The following NRG1 variants were observed in gnomAD, a reference collection of about 807,000 sequenced individuals.
NRG1 encodes neuregulin 1.
A neutral mutation model predicts 63.8 loss-of-function variants in NRG1; 18 were observed. The ratio of observed to expected loss-of-function variants is 0.28; its 90% confidence interval spans 0.19 to 0.42. The LOEUF (loss-of-function observed/expected upper bound fraction) is 0.42, where lower values mean the gene tolerates loss of function less well. Among genes scored for constraint, NRG1 ranks in the 10% least tolerant of loss-of-function variants. The pLI, the probability that NRG1 is intolerant of heterozygous loss-of-function variation, is 1.00. For synonymous variants in NRG1, 302 were observed against 301.3 expected (o/e 1.00, Z -0.02); for missense variants, 762 against 814.7 (o/e 0.94, Z 0.79).
In NRG1 at chr8:32,173,621, G is replaced by A. The variant is rs372703058; in HGVS notation, c.38-422207G>A. Among the ~76,000 whole-genome samples, 541 of 152,162 alleles carry A rather than the reference G, an allele frequency of 3.6e-3. 1 individual carries two copies. The highest frequency in any genetic ancestry group is 0.024 in the South Asian group (116 of 4,804). ...ATCTCACGTGCAGAGACACACATAG[G>A]CTCAAAATAAAGGGATGGAGGAAGA... On this transcript the variant is annotated intron_variant, in intron 1 of 10. Coordinates refer to the NRG1 transcript ENST00000519301.
At position 32,391,035 on chromosome 8, in the gene NRG1, C is replaced by T. The variant is rs140005588; in HGVS notation, c.38-204793C>T. On this transcript the variant is annotated intron_variant, in intron 1 of 10. Coordinates refer to the NRG1 transcript ENST00000519301. Reference sequence around the variant, plus strand: ...AATATTTTAGATTTCTTACACACAACTTATTTTATTTTCATCCACTGAAGC... The same window carrying T: ...AATATTTTAGATTTCTTACACACAATTTATTTTATTTTCATCCACTGAAGC... 9.7e-3 allele frequency among the ~76,000 whole-genome samples: 1,484 copies of T among 152,234 alleles called. 16 individuals are homozygous for T. The highest frequency in any genetic ancestry group is 0.015 in the Non-Finnish European group (1,028 of 68,022).
chr8:31,673,200 T>G (rs1231067192), intron 1 of NRG1, among the ~76,000 whole-genome samples: 2 of 152,128 alleles, frequency 1.3e-5, no homozygotes, highest in East Asian at 3.9e-4. Context: ...AGGTTCTGAT[T>G]TAGTAGATTT....
At chr8:31,793,738 G>A (rs576237334) in intron 1 of NRG1, among the ~76,000 whole-genome samples, 23 of 152,252 alleles carry the variant, frequency 1.5e-4, no homozygotes, top group African/African-American at 5.5e-4. Flanking sequence ...TAATCCATGG[G>A]AAGACAAGAA....
intron 1 of NRG1, among the ~76,000 whole-genome samples, chr8:32,237,206 C>T (rs1847654761): frequency 6.6e-6 from 1 of 152,108 alleles, no homozygotes; most frequent in Admixed American, 6.6e-5. Context: ...AATATTAACT[C>T]AGTGTAAAGC....
At position 32,741,337 on chromosome 8, in the gene NRG1, A is replaced by T. The variant is rs1015828022; in HGVS notation, c.633-1338A>T. 4.6e-5 allele frequency among the ~76,000 whole-genome samples: 7 copies of T among 151,838 alleles called. 1 individual carries two copies. The highest frequency in any genetic ancestry group is 4.6e-4 in the Admixed American group (7 of 15,270). On this transcript the variant is annotated intron_variant, in intron 6 of 11. Transcript: ENST00000356819. ...ATTCTGCATAAGAATAACTGATCTA[A>T]ATTTTAAAATGTATTTGTCTTTGAT...
intron 3 of NRG1, among the ~76,000 whole-genome samples, chr8:32,614,194 C>G (rs997852041): frequency 1.3e-5 from 2 of 152,050 alleles, no homozygotes; most frequent in Non-Finnish European, 2.9e-5. Flanking sequence ...CTTAGTTCCC[C>G]TATTTCGACT....
intron 1 of NRG1, among the ~76,000 whole-genome samples, chr8:32,555,421 T>G (rs1201452602): frequency 6.6e-6 from 1 of 152,170 alleles, no homozygotes; most frequent in Admixed American, 6.5e-5. Context: ...TGAGTGCACA[T>G]TTTTGAACAC....
At chr8:31,881,739 T>A (rs1563521764) in intron 1 of NRG1, among the ~76,000 whole-genome samples, 1 of 152,200 alleles carries the variant, frequency 6.6e-6, no homozygotes. Flanking sequence ...ATTGCTGATA[T>A]GGAGAAAGTT....
At chr8:32,364,942 G>A (rs968289909) in intron 1 of NRG1, among the ~76,000 whole-genome samples, 1 of 132,330 alleles carries the variant, frequency 7.6e-6, no homozygotes, top group Non-Finnish European at 1.6e-5. Context: ...TGAATAAAAT[G>A]TACTCCCTTT....
chr8:31,922,468 C>T (rs560337590), intron 1 of NRG1, among the ~76,000 whole-genome samples: 3 of 152,212 alleles, frequency 2.0e-5, no homozygotes, highest in Non-Finnish European at 2.9e-5. Context: ...CTTTTATCTA[C>T]CTTTATCTCG....
intron 5 of NRG1, among the ~76,000 whole-genome samples, chr8:32,689,321 A>T (rs1810992480): frequency 6.6e-6 from 1 of 152,042 alleles, no homozygotes; most frequent in Non-Finnish European, 1.5e-5. Context: ...GGAAGAGTTC[A>T]TGGACTCTTG....
At chr8:32,040,487 T>G (rs904544487) in intron 1 of NRG1, among the ~76,000 whole-genome samples, 3 of 151,944 alleles carry the variant, frequency 2.0e-5, no homozygotes, top group African/African-American at 7.3e-5. Flanking sequence ...GCTGTTTTTC[T>G]TGCTGTTAGT....
intron 7 of NRG1, among the ~76,000 whole-genome samples, chr8:32,747,225 C>G (rs1056997833): frequency 6.6e-6 from 1 of 152,064 alleles, no homozygotes; most frequent in African/African-American, 2.4e-5. Context: ...GAGCAGTGTT[C>G]ATGTAGGCAT....
chr8:31,854,931 A>T (rs1223088263), intron 1 of NRG1, among the ~76,000 whole-genome samples: 1 of 152,064 alleles, frequency 6.6e-6, no homozygotes, highest in Non-Finnish European at 1.5e-5. Context: ...TTTGAGTGAG[A>T]TTCTTAATCC....
chr8:31,770,515 G>A (rs760085156), intron 1 of NRG1, among the ~76,000 whole-genome samples: 6 of 151,254 alleles, frequency 4.0e-5, no homozygotes, highest in Non-Finnish European at 2.9e-5. Context: ...ACTATCGCAA[G>A]GACAAAAAAC....
Position 32,410,878 on chromosome 8 carries a change from ATTTTT to A in NRG1, c.38-184938_38-184934del, listed in dbSNP as rs150202882. Among the ~76,000 whole-genome samples the A allele has an allele frequency of 6.3e-3, 898 of 141,880 alleles. 12 individuals are homozygous for A. The highest frequency in any genetic ancestry group is 0.022 in the African/African-American group (861 of 38,790). 93.1% of individuals were successfully genotyped at this position (141,880 alleles called of 152,430 possible). A position where few individuals can be genotyped will look rare whatever the true frequency, so the allele number is the denominator to read the frequency against. On this transcript the variant is annotated intron_variant, in intron 1 of 10. Transcript: ENST00000519301. ...ACAGGCTTAAGTGATCACAACCCACATTTTTTTTTTTTTTTTGAGATGGAGCCTTG... is the reference window on the plus strand; with the variant it reads ...ACAGGCTTAAGTGATCACAACCCACATTTTTTTTTTTGAGATGGAGCCTTG...
intron 3 of NRG1, among the ~76,000 whole-genome samples, chr8:32,606,926 G>T (rs1330248328): frequency 6.6e-6 from 1 of 152,104 alleles, no homozygotes; most frequent in Non-Finnish European, 1.5e-5. Flanking sequence ...TGAGAAGGGA[G>T]ATAAAAATCA....
intron 1 of NRG1, among the ~76,000 whole-genome samples, chr8:32,457,552 A>C (rs1055990947): frequency 1.3e-5 from 2 of 152,232 alleles, no homozygotes; most frequent in Non-Finnish European, 2.9e-5. Flanking sequence ...CAATGTTTTT[A>C]AAGTTTAATA....
chr8:32,558,157 C>T (rs1340040175), intron 1 of NRG1, among the ~76,000 whole-genome samples: 1 of 152,136 alleles, frequency 6.6e-6, no homozygotes, highest in East Asian at 1.9e-4. Flanking sequence ...GTCCCTGTGG[C>T]CTCTACGGAG....
Sources: gnomAD v4.1 joint callset for allele counts (sites outside exome capture counted in the v4.1 genomes callset) on GRCh38, gnomAD v4.1.1 for gene constraint, MANE v1.5 for transcripts, NCBI Gene and HGNC (gene_info 2026-07-23, HGNC 2026-07-21) for gene names.